The following ZNF451 variants were observed in gnomAD, a reference collection of about 807,000 sequenced individuals.
ZNF451 encodes the protein zinc finger protein 451, also known as E3 SUMO-protein ligase ZNF451.
In ZNF451, 80 loss-of-function variants were observed where a neutral mutation model predicts 107.1. The observed-to-expected ratio is 0.75, with a 90% CI of 0.62 to 0.90. The LOEUF (loss-of-function observed/expected upper bound fraction) is 0.90. Ranked by LOEUF, ZNF451 falls within the 40% of genes least tolerant of loss-of-function variation. ZNF451 has a pLI of 0.00. For synonymous variants in ZNF451, 362 were observed against 406.5 expected, an observed-to-expected ratio of 0.89 and a Z score of 1.32; for missense variants, 1,107 against 1,236.2, an observed-to-expected ratio of 0.90 and a Z score of 1.57.
chr6:57,125,260 T>TTG, intron 4 of ZNF451, among the ~76,000 whole-genome samples: 1 of 152,186 alleles, frequency 6.6e-6, no homozygotes, highest in Non-Finnish European at 1.5e-5. Context: ...AATTTTAGCT[T>TTG]ATCCTTCCAA....
intron 3 of ZNF451, chr6:57,116,336 G>A (rs1048652998): frequency 6.6e-6 from 1 of 152,248 alleles, no homozygotes; most frequent in Non-Finnish European, 1.5e-5. Context: ...CGGATCACTC[G>A]AGGTCAGGAG....
At chr6:57,148,816 G>T in intron 10 of ZNF451, 123 bp downstream of exon 10, 1 of 903,216 alleles carries the variant, frequency 1.1e-6, no homozygotes. Flanking sequence ...AATTATTATG[G>T]TATATACATT....
chr6:57,139,459 A>C (rs1831641503), intron 7 of ZNF451, among the ~76,000 whole-genome samples: 1 of 152,132 alleles, frequency 6.6e-6, no homozygotes, highest in Non-Finnish European at 1.5e-5. Context: ...TATAAATAAA[A>C]ATTTTTTATC....
chr6:57,110,157 G>C (rs1205280344), intron 3 of ZNF451, among the ~76,000 whole-genome samples: 1 of 152,202 alleles, frequency 6.6e-6, no homozygotes, highest in Non-Finnish European at 1.5e-5. Context: ...CATTCAGCTG[G>C]AGGAACAGGA....
intron 7 of ZNF451, among the ~76,000 whole-genome samples, chr6:57,136,473 T>TAGGTAATGGCATTC (rs1356151706): frequency 6.6e-6 from 1 of 152,098 alleles, no homozygotes; most frequent in Non-Finnish European, 1.5e-5. Flanking sequence ...TTGTTTGACT[T>TAGGTAATGGCATTC]AGGTAATGGC....
intron 13 of ZNF451, among the ~76,000 whole-genome samples, chr6:57,159,633 C>T (rs932616029): frequency 1.3e-5 from 2 of 150,486 alleles, no homozygotes; most frequent in South Asian, 4.2e-4. Context: ...GTGGCCCAGG[C>T]GAGCCAAAGA....
intron 3 of ZNF451, chr6:57,107,180 A>G (rs996156537): frequency 1.4e-5 from 14 of 985,348 alleles, no homozygotes; most frequent in Non-Finnish European, 1.7e-5. Context: ...TGTTGTTAGC[A>G]TATCAGTTAT....
rs1444980304 is a variant in ZNF451 at position 57,153,987 on chromosome 6, C to T, written c.3010C>T (p.His1004Tyr). The change falls in exon 13 of 15, where the codon CAC (histidine) becomes TAC (tyrosine). Residue 1004 changes from histidine to tyrosine, a missense_variant. His to Tyr is a moderately conservative substitution (Grantham distance 83, BLOSUM62 2). Around this residue, in one of 5 missense-constraint regions of ZNF451, gnomAD observed 151 missense variants for 173.3 expected, o/e 0.87. Coordinates refer to ENST00000370706, the MANE Select transcript of ZNF451 (RefSeq NM_001031623.3). ...GAGGCCAGCTCATATACTAAACCCTCACCACTTAGAGGGAGATATGATGTG... is the reference window on the plus strand; with the variant it reads ...GAGGCCAGCTCATATACTAAACCCTTACCACTTAGAGGGAGATATGATGTG... Reference protein sequence around the residue: ...TQRPAHILNPHHLEGDMMCAL... With the variant: ...TQRPAHILNPYHLEGDMMCAL... 3.7e-6 allele frequency: 6 copies of T among 1,614,046 alleles called. No individual in the cohort carries two copies. The highest frequency in any genetic ancestry group is 5.1e-6 in the Non-Finnish European group (6 of 1,180,030).
intron 3 of ZNF451, among the ~76,000 whole-genome samples, chr6:57,119,344 T>C (rs1830523964): frequency 6.6e-6 from 1 of 152,082 alleles, no homozygotes; most frequent in South Asian, 2.1e-4. Context: ...CTGGCCAACA[T>C]GGAGAAACCC....
intron 2 of ZNF451, among the ~76,000 whole-genome samples, chr6:57,096,024 A>G (rs549083910): frequency 6.6e-6 from 1 of 151,838 alleles, no homozygotes; most frequent in African/African-American, 2.4e-5. Context: ...GAGTTTTGCC[A>G]TGTTGGCCCA....
At chr6:57,096,698 G>C (rs991642992) in intron 2 of ZNF451, among the ~76,000 whole-genome samples, 1 of 148,688 alleles carries the variant, frequency 6.7e-6, no homozygotes, top group Non-Finnish European at 1.5e-5. Flanking sequence ...AGCAAAGTAA[G>C]ATGATTATAT....
At chr6:57,152,841 G>A (rs1389498529) in intron 12 of ZNF451, among the ~76,000 whole-genome samples, 1 of 152,264 alleles carries the variant, frequency 6.6e-6, no homozygotes, top group African/African-American at 2.4e-5. Flanking sequence ...TGATCTGCCC[G>A]CCTAGGCCTC....
chr6:57,120,950 C>T (rs902321423), intron 3 of ZNF451, among the ~76,000 whole-genome samples: 24 of 152,176 alleles, frequency 1.6e-4, no homozygotes, highest in Middle Eastern at 3.4e-3. Context: ...TCTAAAAAGT[C>T]ATTGTCATGC....
chr6:57,099,446 C>G (rs376064866), intron 3 of ZNF451: 20 of 716,272 alleles, frequency 2.8e-5, no homozygotes, highest in East Asian at 1.6e-4. Context: ...TCTTTCCCTT[C>G]TCTTTTCCTT....
At chr6:57,102,312 C>T in intron 3 of ZNF451, 1 of 1,246,042 alleles carries the variant, frequency 8.0e-7, no homozygotes, top group Non-Finnish European at 1.0e-6. Flanking sequence ...TGGAGACTTT[C>T]TTGAAAGGGT....
chr6:57,090,301 G>T, intron 1 of ZNF451, 27 bp downstream of exon 1: 1 of 1,609,544 alleles, frequency 6.2e-7, no homozygotes, highest in Non-Finnish European at 8.5e-7. Context: ...GGGTCCTGGC[G>T]TTCTCAGAGG....
At position 57,148,116 on chromosome 6, in the gene ZNF451, T is replaced by G; in HGVS notation, c.2031T>G (p.Asn677Lys). 6.2e-7 allele frequency: 1 copy of G among 1,614,086 alleles called. No homozygotes were observed. The highest frequency in any genetic ancestry group is 2.2e-5 in the East Asian group (1 of 44,874). The stretch of plus-strand genomic sequence containing the variant: ...GTGGGCTTTGTGATCTTATCTTTAA[T>G]GTGGAAGAAGCATTTCTGAGTCATT... Reference protein sequence around the residue: ...YFCGLCDLIFNVEEAFLSHYE... With the variant: ...YFCGLCDLIFKVEEAFLSHYE... Residue 677 changes from asparagine to lysine, a missense_variant, in exon 10 of 15, where the codon AAT becomes AAG. Transcript: ENST00000370706.
chr6:57,101,410 G>T (rs1283988139), intron 3 of ZNF451: 2 of 1,550,630 alleles, frequency 1.3e-6, no homozygotes, highest in Non-Finnish European at 1.7e-6. Context: ...ATATCCTGTG[G>T]CCAAGGACAC....
intron 2 of ZNF451, among the ~76,000 whole-genome samples, chr6:57,098,031 G>A (rs1320393920): frequency 1.3e-5 from 2 of 149,800 alleles, no homozygotes; most frequent in Non-Finnish European, 3.0e-5. Flanking sequence ...GTGCAGTGGC[G>A]TGATCTTGGC....
Sources: gnomAD v4.1 joint callset for allele counts (sites outside exome capture counted in the v4.1 genomes callset) on GRCh38, gnomAD v4.1.1 for gene constraint, gnomAD v4.1.1 regional missense constraint, MANE v1.5 for transcripts, NCBI Gene and HGNC (gene_info 2026-07-23, HGNC 2026-07-21) for gene names.